IGSF11: variants seen among roughly 807,000 people sequenced by gnomAD.
IGSF11 encodes immunoglobulin superfamily member 11.
A neutral mutation model predicts 41.0 loss-of-function variants in IGSF11; 22 were observed. The observed-to-expected ratio is 0.54, with a 90% CI of 0.38 to 0.77. The LOEUF (loss-of-function observed/expected upper bound fraction) is 0.77, where lower values mean the gene tolerates loss of function less well. Ranked by LOEUF, IGSF11 falls within the 30% of genes least tolerant of loss-of-function variation. The pLI is 0.00. For missense variants in IGSF11, 444 were observed against 530.8 expected (o/e 0.84, Z 1.61); for synonymous variants, 219 against 201.3 (o/e 1.09, Z -0.74).
intron 1 of IGSF11, among the ~76,000 whole-genome samples, chr3:119,057,989 C>T (rs1941913057): frequency 1.3e-5 from 2 of 152,224 alleles, no homozygotes; most frequent in Middle Eastern, 3.2e-3. Flanking sequence ...GGATTAAAGA[C>T]TTACATGTTA....
At chr3:118,965,404 A>G (rs1003238658) in intron 1 of IGSF11, among the ~76,000 whole-genome samples, 10 of 152,110 alleles carry the variant, frequency 6.6e-5, no homozygotes, top group Non-Finnish European at 1.3e-4. Flanking sequence ...CTATGTGATG[A>G]GCATCTAAAA....
intron 1 of IGSF11, among the ~76,000 whole-genome samples, chr3:119,014,770 A>G (rs1223993882): frequency 6.6e-6 from 1 of 152,220 alleles, no homozygotes. Context: ...AGAACCCAGA[A>G]GACTGAAAGT....
chr3:118,973,031 T>C (rs1319464465), intron 1 of IGSF11, among the ~76,000 whole-genome samples: 1 of 152,218 alleles, frequency 6.6e-6, no homozygotes, highest in Non-Finnish European at 1.5e-5. Flanking sequence ...TCCTCTATTA[T>C]TAATATCTCC....
At chr3:118,987,228 G>A (rs999858303) in intron 1 of IGSF11, among the ~76,000 whole-genome samples, 3 of 152,180 alleles carry the variant, frequency 2.0e-5, no homozygotes, top group Admixed American at 6.5e-5. Context: ...AAAATAGAAT[G>A]CCTAACTAGA....
Position 118,930,232 on chromosome 3 carries a change from G to T in IGSF11, c.96C>A (p.Ile32=), listed in dbSNP as rs532271891. 1.2e-6 allele frequency: 2 copies of T among 1,613,932 alleles called. No individual in the cohort carries two copies. The highest frequency in any genetic ancestry group is 1.1e-5 in the South Asian group (1 of 91,042). ...SLEVSESPGS[I]QVARGQPAVL... is the part of the protein sequence containing the mutation. ...CTGCTGGCTGACCCCGGGCCACCTG[G>T]ATACTCCCAGGGCTCTCTGACACTT... Residue 32 remains isoleucine, a synonymous_variant, in exon 2 of 7, where the codon ATC becomes ATA. Coordinates refer to ENST00000393775, the MANE Select transcript of IGSF11 (RefSeq NM_001015887.3).
At chr3:118,904,491 C>T (rs1015267946) in intron 6 of IGSF11, among the ~76,000 whole-genome samples, 157 bp downstream of exon 6, 2 of 152,056 alleles carry the variant, frequency 1.3e-5, no homozygotes, top group Non-Finnish European at 2.9e-5. Context: ...TGAGTAGTAC[C>T]ATGAAGAAAA....
chr3:119,119,873 T>C (rs2077309461), intron 1 of IGSF11, among the ~76,000 whole-genome samples: 1 of 152,200 alleles, frequency 6.6e-6, no homozygotes, highest in Non-Finnish European at 1.5e-5. Flanking sequence ...GAGCCTGGCT[T>C]AGAATTTAAA....
chr3:119,050,654 C>T (rs1427222717), intron 1 of IGSF11, among the ~76,000 whole-genome samples: 1 of 151,992 alleles, frequency 6.6e-6, no homozygotes, highest in Admixed American at 6.6e-5. Flanking sequence ...GGGTATATAC[C>T]CAAAGGGTTA....
chr3:119,062,421 TG>T (rs1215986654), intron 1 of IGSF11, among the ~76,000 whole-genome samples: 1 of 152,248 alleles, frequency 6.6e-6, no homozygotes, highest in East Asian at 1.9e-4. Flanking sequence ...AACCCCACTC[TG>T]TCCTTCCATT....
At chr3:119,105,331 T>C (rs973919598), upstream of IGSF11, 3 of 589,176 alleles carry the variant, frequency 5.1e-6, no homozygotes, top group Non-Finnish European at 9.0e-6. Context: ...TTTGGAGCCA[T>C]AACAAAATAT....
At chr3:119,033,718 C>T (rs1426965164) in intron 1 of IGSF11, among the ~76,000 whole-genome samples, 1 of 152,088 alleles carries the variant, frequency 6.6e-6, no homozygotes, top group Non-Finnish European at 1.5e-5. Flanking sequence ...CAGTAAATCT[C>T]AGCAATAAAT....
intron 1 of IGSF11, among the ~76,000 whole-genome samples, chr3:119,054,863 A>T (rs1010221869): frequency 4.6e-5 from 7 of 152,072 alleles, no homozygotes; most frequent in African/African-American, 1.7e-4. Flanking sequence ...GAGATCTGAG[A>T]ACGGGCAGAC....
At chr3:118,910,452 C>G (rs1940132850) in intron 4 of IGSF11, among the ~76,000 whole-genome samples, 1 of 152,160 alleles carries the variant, frequency 6.6e-6, no homozygotes. Flanking sequence ...CCCACTGTGC[C>G]TTCTCCACCC....
At chr3:119,133,605 G>A (rs2077515573) in intron 1 of IGSF11, among the ~76,000 whole-genome samples, 1 of 152,114 alleles carries the variant, frequency 6.6e-6, no homozygotes, top group South Asian at 2.1e-4. Context: ...AAAAGTCCAG[G>A]ACCAGACGGA....
intron 1 of IGSF11, among the ~76,000 whole-genome samples, chr3:119,019,511 A>G (rs1350454215): frequency 6.6e-6 from 1 of 151,466 alleles, no homozygotes; most frequent in East Asian, 1.9e-4. Context: ...CAGCTCAGAG[A>G]AACTCTTGGT....
chr3:119,130,124 A>G (rs2077459426), intron 1 of IGSF11, among the ~76,000 whole-genome samples: 1 of 152,218 alleles, frequency 6.6e-6, no homozygotes, highest in Non-Finnish European at 1.5e-5. Context: ...TCCAGTCTGC[A>G]GCTCCCAGAA....
rs558647034 is a variant in IGSF11, at chr3:119,058,171, T to C, written c.49+46973A>G. ...TTCTGCACAGCAAAAGAAACTACCATCAGAGTGAACAGGCAACCTACAAAA... is the reference window on the plus strand; with the variant it reads ...TTCTGCACAGCAAAAGAAACTACCACCAGAGTGAACAGGCAACCTACAAAA... On this transcript the variant is annotated intron_variant, in intron 1 of 6. Transcript: ENST00000354673. Among the ~76,000 whole-genome samples, 638 of 152,120 alleles carry C rather than the reference T, an allele frequency of 4.2e-3. 4 individuals carry two copies. Among genetic ancestry groups the C allele is most frequent in the African/African-American group, 0.015 (610 of 41,514 alleles).
intron 1 of IGSF11, among the ~76,000 whole-genome samples, chr3:118,990,676 T>C (rs1490141464): frequency 6.6e-6 from 1 of 152,240 alleles, no homozygotes; most frequent in Non-Finnish European, 1.5e-5. Context: ...GTAGACACTA[T>C]GGAAAATCCA....
At chr3:118,923,875 T>C (rs1052511999) in intron 4 of IGSF11, among the ~76,000 whole-genome samples, 17 of 152,310 alleles carry the variant, frequency 1.1e-4, no homozygotes, top group African/African-American at 4.1e-4. Context: ...TTTGTCACAA[T>C]ATTGGTGAAG....
Sources: gnomAD v4.1 joint callset for allele counts (sites outside exome capture counted in the v4.1 genomes callset) on GRCh38, gnomAD v4.1.1 for gene constraint, MANE v1.5 for transcripts, NCBI Gene and HGNC (gene_info 2026-07-23, HGNC 2026-07-21) for gene names.